The following MPV17 variants were observed in gnomAD, a reference collection of about 807,000 sequenced individuals.
MPV17 encodes MPV17, mitochondrial inner membrane protein.
Under a neutral mutation model 28.6 loss-of-function variants are expected in MPV17, and 31 were observed. The ratio of observed to expected loss-of-function variants is 1.08; its 90% CI spans 0.81 to 1.46. MPV17 has a LOEUF of 1.46. Ranked by LOEUF, MPV17 falls within the 40% of genes most tolerant of loss-of-function variation. MPV17 has a pLI of 0.00. For missense variants in MPV17, 198 were observed against 216.2 expected, an observed-to-expected ratio of 0.92 and a Z score of 0.53; for synonymous variants, 87 against 85.3, an observed-to-expected ratio of 1.02 and a Z score of -0.11.
chr2:27,315,397 A>G (rs534267657), intron 2 of MPV17, among the ~76,000 whole-genome samples: 1 of 152,302 alleles, frequency 6.6e-6, no homozygotes, highest in South Asian at 2.1e-4. Context: ...TGCTGCCAAG[A>G]AGGCCAGGGG....
intron 2 of MPV17, among the ~76,000 whole-genome samples, chr2:27,319,332 G>A (rs1273368588): frequency 6.6e-6 from 1 of 151,076 alleles, no homozygotes; most frequent in African/African-American, 2.4e-5. Flanking sequence ...TAAAGCTTGG[G>A]CAATATGGCA....
Position 27,317,303 on chromosome 2 carries a change from C to T in MPV17, c.71-4194G>A. ...CACAGAGCCCAGAGGGAGTGGAAGC[C>T]CAGCAGCGGGAGGGGAGTGGATCCT... On this transcript the variant is annotated intron_variant, in intron 2 of 7. Transcript: ENST00000380044. The surrounding 1 kb of genome is among the most constrained non-coding windows in gnomAD (Gnocchi z 4.0). 7.4e-7 allele frequency: 1 copy of T among 1,352,690 alleles called. No homozygotes were observed. Among genetic ancestry groups the T allele is most frequent in the Admixed American group, 2.9e-5 (1 of 34,418 alleles). 83.8% of individuals were successfully genotyped at this position (1,352,690 alleles called of 1,614,324 possible).
chr2:27,315,003 T>C (rs1160823619), intron 2 of MPV17, among the ~76,000 whole-genome samples: 1 of 152,198 alleles, frequency 6.6e-6, no homozygotes, highest in African/African-American at 2.4e-5. Context: ...ATGGAGCAGC[T>C]CTGGGCACCC....
At chr2:27,311,581 C>T (rs1404752199) in intron 7 of MPV17, 1 of 1,550,292 alleles carries the variant, frequency 6.5e-7, no homozygotes, top group South Asian at 1.2e-5. Flanking sequence ...TCTGTCTAAC[C>T]TAGGCTGCAG....
At chr2:27,314,786 G>A (rs1679588892) in intron 2 of MPV17, among the ~76,000 whole-genome samples, 1 of 152,214 alleles carries the variant, frequency 6.6e-6, no homozygotes, top group Non-Finnish European at 1.5e-5. Context: ...CCCTCAATTA[G>A]CACTGGACAA....
Position 27,309,937 on chromosome 2 carries a change from A to G in MPV17, c.506T>C (p.Leu169Pro). 1.2e-6 allele frequency: 2 copies of G among 1,614,008 alleles called. No homozygotes were observed. The highest frequency in any genetic ancestry group is 1.7e-6 in the Non-Finnish European group (2 of 1,179,860). The stretch of plus-strand genomic sequence containing the variant: ...TTAGAGCCGATGTGCCTTCCAGGAC[A>G]GGTAGGAGTTCCAGATAACAGCAAC... The part of the protein sequence containing the change: ...QCVAVIWNSY[L>P]SWKAHRL The change falls in exon 8 of 8, where the codon CTG becomes CCG. Residue 169 changes from leucine to proline, a missense_variant. Leu to Pro is a moderately conservative substitution (Grantham distance 98). Coordinates refer to ENST00000380044, the MANE Select transcript of MPV17 (RefSeq NM_002437.5).
At position 27,313,019 on chromosome 2, in the gene MPV17, A is replaced by G. The variant is rs1318291403; in HGVS notation, c.161T>C (p.Met54Thr). 6.2e-7 allele frequency: 1 copy of G among 1,614,102 alleles called. No individual in the cohort carries two copies. Among genetic ancestry groups the G allele is most frequent in the Non-Finnish European group, 8.5e-7 (1 of 1,180,044 alleles). The change falls in exon 3 of 8, where the codon ATG becomes ACG. Residue 54 changes from methionine (M) to threonine (T), a missense_variant. By Grantham distance (81) the Met-to-Thr change is moderately conservative. Transcript: ENST00000380044. ...QEHQRGRTLT[M>T]VSLGCGFVGP... The stretch of plus-strand genomic sequence containing the variant: ...CACAAAGCCACAGCCCAGGGACACC[A>G]TGGTCAGAGTCCGGCCTCTCTGGTG...
chr2:27,322,331 G>A (rs1157432727), intron 2 of MPV17, 117 bp downstream of exon 2: 10 of 936,500 alleles, frequency 1.1e-5, no homozygotes, highest in South Asian at 1.0e-4. Context: ...ATGAAAGACA[G>A]CCAACCCTTC....
At chr2:27,320,200 G>A (rs1211750838) in intron 2 of MPV17, among the ~76,000 whole-genome samples, 3 of 150,026 alleles carry the variant, frequency 2.0e-5, no homozygotes, top group East Asian at 4.0e-4. Flanking sequence ...TCACGCCACC[G>A]CACTCCAGCC....
In MPV17 at chr2:27,322,438, G is replaced by A; in HGVS notation, c.70+10C>T. 1 of 1,613,202 alleles carries A rather than the reference G, an allele frequency of 6.2e-7. No homozygotes were observed. The highest frequency in any genetic ancestry group is 1.3e-5 in the African/African-American group (1 of 75,042). ...CCCTGGTCCCACTCAAGTCCTAGAG[G>A]GACACTCACCAGCTGTCAGGACCTG... On this transcript the variant is annotated intron_variant, in intron 2 of 7. Coordinates refer to ENST00000380044, the MANE Select transcript of MPV17 (RefSeq NM_002437.5).
At chr2:27,319,720 T>C (rs1221221186) in intron 2 of MPV17, among the ~76,000 whole-genome samples, 1 of 147,274 alleles carries the variant, frequency 6.8e-6, no homozygotes, top group Non-Finnish European at 1.5e-5. Flanking sequence ...AGGTCAGGAG[T>C]TCAAGACTAG....
rs886055897 is a variant in MPV17 at position 27,323,044 on chromosome 2, C to T, written c.-6+8G>A. 6.1e-6 allele frequency: 1 copy of T among 164,590 alleles called. No homozygotes were observed. Among genetic ancestry groups the T allele is most frequent in the Admixed American group, 5.7e-5 (1 of 17,430 alleles). The allele number at this position is 164,590 out of a possible 1,614,324, so 10.2% of individuals were successfully genotyped here. ...TAAGCCAGAGACCGCAGATCACCCG[C>T]CACTCACCTGAGCGCCGAGCCTCCC... On this transcript the variant is annotated splice_region_variant and intron_variant, in intron 1 of 7. Coordinates refer to ENST00000380044, the MANE Select transcript of MPV17 (RefSeq NM_002437.5).
At chr2:27,320,781 G>A (rs1255215723) in intron 2 of MPV17, among the ~76,000 whole-genome samples, 3 of 152,212 alleles carry the variant, frequency 2.0e-5, no homozygotes, top group Non-Finnish European at 4.4e-5. Context: ...CCAGTGTGAT[G>A]AGCTATCCCA....
At chr2:27,321,339 G>A (rs889312079) in intron 2 of MPV17, among the ~76,000 whole-genome samples, 6 of 152,196 alleles carry the variant, frequency 3.9e-5, no homozygotes, top group Non-Finnish European at 5.9e-5. Flanking sequence ...GTTGGGCACC[G>A]GAGACTGGAG....
Position 27,317,101 on chromosome 2 carries a change from C to A in MPV17, c.71-3992G>T, listed in dbSNP as rs763071467. The A allele has an allele frequency of 5.8e-6, 9 of 1,548,666 alleles. No individual in the cohort carries two copies. In the East Asian group the frequency reaches 1.7e-4, roughly 29 times the overall value. The stretch of plus-strand genomic sequence containing the variant: ...ACTTTTGTGGCTTTTGAGTTTCATG[C>A]GCAGAAGGCAGAGGGGCAAGAAGTG... On this transcript the variant is annotated intron_variant, in intron 2 of 7. Transcript: ENST00000380044. This position sits in a 1 kb window ranked among gnomAD's most constrained non-coding sequence, Gnocchi z 4.0.
chr2:27,310,981 G>GATCCACCT (rs1450429787), intron 7 of MPV17: 1 of 145,988 alleles, frequency 6.8e-6, no homozygotes, highest in Non-Finnish European at 1.5e-5. Context: ...CTGACCTTGT[G>GATCCACCT]ATCCACCTGC....
chr2:27,317,303 C>A lies in MPV17; in HGVS notation c.71-4194G>T. 1 of 1,352,690 alleles carries A rather than the reference C, an allele frequency of 7.4e-7. No individual in the cohort carries two copies. The highest frequency in any genetic ancestry group is 1.6e-5 in the South Asian group (1 of 62,994). The allele number at this position is 1,352,690 out of a possible 1,614,324, so 83.8% of individuals were successfully genotyped here. A position where few individuals can be genotyped will look rare whatever the true frequency, so the allele number is the denominator to read the frequency against. ...CACAGAGCCCAGAGGGAGTGGAAGC[C>A]CAGCAGCGGGAGGGGAGTGGATCCT... On this transcript the variant is annotated intron_variant, in intron 2 of 7. Coordinates refer to ENST00000380044, the MANE Select transcript of MPV17 (RefSeq NM_002437.5). This position sits in a 1 kb window ranked among gnomAD's most constrained non-coding sequence, Gnocchi z 4.0.
intron 2 of MPV17, among the ~76,000 whole-genome samples, chr2:27,313,668 G>C (rs1679544313): frequency 2.0e-5 from 3 of 152,126 alleles, no homozygotes; most frequent in African/African-American, 7.2e-5. Flanking sequence ...CCTGCCAACA[G>C]CTTTCACCTT....
intron 2 of MPV17, chr2:27,316,171 G>A: frequency 6.4e-7 from 1 of 1,551,170 alleles, no homozygotes; most frequent in Non-Finnish European, 8.7e-7. Flanking sequence ...CGTGGGGATG[G>A]CAGACAGCAA....
Sources: allele counts gnomAD v4.1 joint callset (sites outside exome capture counted in the v4.1 genomes callset), GRCh38; gene constraint gnomAD v4.1.1; non-coding constraint Gnocchi (gnomAD v3.1); transcripts MANE v1.5; gene names NCBI Gene and HGNC (gene_info 2026-07-23, HGNC 2026-07-21).